Variants in ABI3BP observed in about 807,000 individuals in gnomAD.
ABI3BP encodes ABI family member 3 binding protein.
ABI3BP carries 216 observed loss-of-function variants against 268.6 expected under a neutral mutation model. The ratio of observed to expected loss-of-function variants is 0.80; its 90% CI spans 0.72 to 0.90. The LOEUF (loss-of-function observed/expected upper bound fraction) is 0.90. Ranked by LOEUF, ABI3BP falls within the 40% of genes least tolerant of loss-of-function variation. The pLI is 0.00. For synonymous variants in ABI3BP, 730 were observed against 730.0 expected (o/e 1.00, Z 0.00); for missense variants, 2,090 against 2,182.4 (o/e 0.96, Z 0.84).
At chr3:100,930,834 T>C (rs908146971) in intron 1 of ABI3BP, 1 of 152,020 alleles carries the variant, frequency 6.6e-6, no homozygotes, top group Non-Finnish European at 1.5e-5. Context: ...CCTCCATAAC[T>C]CATTCTATGA....
At chr3:100,988,133 G>C (rs1372543915) in intron 1 of ABI3BP, among the ~76,000 whole-genome samples, 1 of 152,126 alleles carries the variant, frequency 6.6e-6, no homozygotes, top group Non-Finnish European at 1.5e-5. Context: ...ACTTAAGATG[G>C]ACGAGATCCT....
chr3:100,778,519 C>G, intron 58 of ABI3BP, 143 bp from the exon 59 acceptor site: 1 of 694,118 alleles, frequency 1.4e-6, no homozygotes, highest in Non-Finnish European at 2.4e-6. Context: ...CAGAAAAGTG[C>G]ACACAAATAT....
At position 100,864,114 on chromosome 3, in the gene ABI3BP, T is replaced by G. The variant is rs1246112399; in HGVS notation, c.1064-38A>C. The G allele has an allele frequency of 3.5e-6, 5 of 1,415,858 alleles. No individual in the cohort carries two copies. The East Asian group carries it at 9.9e-5, about 28-fold the overall frequency. 87.7% of individuals were successfully genotyped at this position (1,415,858 alleles called of 1,614,324 possible). ...AGAGTGCAGTTAGCAACTCCTGGACTTGGGTTTTGATGTTGTGGCTTAACC... is the reference window on the plus strand; with the variant it reads ...AGAGTGCAGTTAGCAACTCCTGGACGTGGGTTTTGATGTTGTGGCTTAACC... On this transcript the variant is annotated intron_variant, in intron 11 of 67. Coordinates refer to ENST00000471714, the MANE Select transcript of ABI3BP (RefSeq NM_001375547.2).
chr3:100,820,535 A>G (rs2152643931), intron 39 of ABI3BP, among the ~76,000 whole-genome samples: 1 of 152,350 alleles, frequency 6.6e-6, no homozygotes, highest in East Asian at 1.9e-4. Flanking sequence ...AAGAATAGTC[A>G]ATAGGACTCA....
intron 1 of ABI3BP, among the ~76,000 whole-genome samples, chr3:100,981,622 C>T (rs1205167479): frequency 6.6e-6 from 1 of 152,158 alleles, no homozygotes; most frequent in East Asian, 1.9e-4. Flanking sequence ...TGACCAAAGA[C>T]CACAACTTGT....
chr3:100,822,419 T>A (rs1264512466), intron 38 of ABI3BP, among the ~76,000 whole-genome samples, 170 bp downstream of exon 38: 1 of 152,168 alleles, frequency 6.6e-6, no homozygotes, highest in African/African-American at 2.4e-5. Flanking sequence ...GCTCCACAGA[T>A]CTCCTAACAG....
rs1387612831 is a variant in ABI3BP, at chr3:100,959,205, G to C, written c.80-32724C>G. Reference sequence around the variant, plus strand: ...AACATTGAGCCTCCTAAAGAATAAGGCTGGGCCGGGCGCGGTGGCTCACGC... The same window carrying C: ...AACATTGAGCCTCCTAAAGAATAAGCCTGGGCCGGGCGCGGTGGCTCACGC... On this transcript the variant is annotated intron_variant, in intron 1 of 67. Coordinates refer to ENST00000471714, the MANE Select transcript of ABI3BP (RefSeq NM_001375547.2). Among the ~76,000 whole-genome samples, 8 of 152,096 alleles carry C rather than the reference G, an allele frequency of 5.3e-5. 1 individual carries two copies. The highest frequency in any genetic ancestry group is 1.2e-4 in the Non-Finnish European group (8 of 68,014).
chr3:100,828,463 A>G lies in ABI3BP; in HGVS notation c.2543-11T>C. On this transcript the variant is annotated splice_polypyrimidine_tract_variant and intron_variant, in intron 33 of 67. Transcript: ENST00000471714. Reference sequence around the variant, plus strand: ...AGATTGTAGCAGGAACTGGCCAAAAATAATAAAAATAAAACACCAACAAAA... The same window carrying G: ...AGATTGTAGCAGGAACTGGCCAAAAGTAATAAAAATAAAACACCAACAAAA... 1 of 1,529,856 alleles carries G rather than the reference A, an allele frequency of 6.5e-7. No homozygotes were observed. The highest frequency in any genetic ancestry group is 1.2e-5 in the South Asian group (1 of 83,380). 94.8% of individuals were successfully genotyped at this position (1,529,856 alleles called of 1,614,324 possible).
chr3:100,858,795 G>A (rs1181040776), intron 14 of ABI3BP, among the ~76,000 whole-genome samples: 2 of 152,086 alleles, frequency 1.3e-5, no homozygotes, highest in Non-Finnish European at 2.9e-5. Flanking sequence ...GATGGATCAA[G>A]ACAAAAACAA....
rs1386266279 is a variant in ABI3BP at position 100,794,923 on chromosome 3, C to T, written c.3946G>A (p.Glu1316Lys). 2 of 1,560,554 alleles carry T rather than the reference C, an allele frequency of 1.3e-6. No homozygotes were observed. Among genetic ancestry groups the T allele is most frequent in the East Asian group, 2.4e-5 (1 of 42,142 alleles). The change falls in exon 54 of 68, where the codon GAA becomes AAA. Residue 1316 changes from glutamate (E) to lysine (K), a missense_variant and splice_region_variant. Glu to Lys is a moderately conservative substitution (Grantham distance 56). Coordinates refer to ENST00000471714, the MANE Select transcript of ABI3BP (RefSeq NM_001375547.2). Reference protein sequence around the residue: ...PSQEELQTTLEETDQSTQEPF... With the variant: ...PSQEELQTTLKETDQSTQEPF... ...GAACAAATATTAAAACGAAATTTAC[C>T]CAGAGTGGTCTGTAGTTCCTCTTGA...
intron 1 of ABI3BP, among the ~76,000 whole-genome samples, chr3:100,969,804 GA>G (rs565283993): frequency 1.3e-4 from 20 of 152,156 alleles, no homozygotes; most frequent in Non-Finnish European, 2.6e-4. Context: ...CCAAGAGCCA[GA>G]GGAAATCCCC....
At position 100,926,332 on chromosome 3, in the gene ABI3BP, C is replaced by A. The variant is rs367976666; in HGVS notation, c.229G>T (p.Ala77Ser). 6.2e-7 allele frequency: 1 copy of A among 1,613,332 alleles called. No individual in the cohort carries two copies. Among genetic ancestry groups the A allele is most frequent in the South Asian group, 1.1e-5 (1 of 91,036 alleles). ...ATAGCTTCTGTGAATTTCCCTTCAGCGGGAAGAGGGAAGTACTGGTTTGGT... is the reference window on the plus strand; with the variant it reads ...ATAGCTTCTGTGAATTTCCCTTCAGAGGGAAGAGGGAAGTACTGGTTTGGT... ...VSPNQYFPLP[A>S]EGKFTEAIVD... The change falls in exon 2 of 68, where the codon GCT (alanine) becomes TCT (serine). Residue 77 changes from alanine to serine, a missense_variant. Ala to Ser is a moderately conservative substitution (Grantham distance 99). Coordinates refer to ENST00000471714, the MANE Select transcript of ABI3BP (RefSeq NM_001375547.2).
rs377269712 is a variant in ABI3BP, at chr3:100,794,913, C to T, written c.3946+10G>A. 5.6e-5 allele frequency: 87 copies of T among 1,552,114 alleles called. No homozygotes were observed. Among genetic ancestry groups the T allele is most frequent in the African/African-American group, 3.6e-4 (26 of 73,170 alleles). Reference sequence around the variant, plus strand: ...AGCTCTCTTTGAACAAATATTAAAACGAAATTTACCCAGAGTGGTCTGTAG... The same window carrying T: ...AGCTCTCTTTGAACAAATATTAAAATGAAATTTACCCAGAGTGGTCTGTAG... On this transcript the variant is annotated intron_variant, in intron 54 of 67. Coordinates refer to ENST00000471714, the MANE Select transcript of ABI3BP (RefSeq NM_001375547.2).
chr3:100,806,609 C>T (rs748287563), intron 50 of ABI3BP, among the ~76,000 whole-genome samples: 2 of 151,990 alleles, frequency 1.3e-5, no homozygotes, highest in Non-Finnish European at 2.9e-5. Flanking sequence ...CAAATTGTTC[C>T]CTTACATTAA....
At chr3:100,856,601 T>C (rs1235609070) in intron 14 of ABI3BP, among the ~76,000 whole-genome samples, 1 of 152,222 alleles carries the variant, frequency 6.6e-6, no homozygotes, top group East Asian at 1.9e-4. Context: ...GAGGATTTCC[T>C]AAGGATGAAA....
chr3:100,832,973 A>G (rs1245364163), intron 30 of ABI3BP, among the ~76,000 whole-genome samples, 152 bp downstream of exon 30: 1 of 152,194 alleles, frequency 6.6e-6, no homozygotes, highest in Non-Finnish European at 1.5e-5. Flanking sequence ...AAGTCATTGC[A>G]TATTTCTTTA....
intron 1 of ABI3BP, among the ~76,000 whole-genome samples, chr3:100,959,890 T>C (rs1436578534): frequency 4.6e-5 from 7 of 152,220 alleles, no homozygotes; most frequent in South Asian, 2.1e-4. Context: ...TGTTCAGGCA[T>C]AAAAACTACT....
chr3:100,817,988 A>G (rs2098108928), intron 41 of ABI3BP, among the ~76,000 whole-genome samples: 1 of 152,218 alleles, frequency 6.6e-6, no homozygotes. Flanking sequence ...GTAAAAGTTA[A>G]GAAACTGTTA....
At position 100,951,303 on chromosome 3, in the gene ABI3BP, G is replaced by C. The variant is rs531318648; in HGVS notation, c.80-24822C>G. Among the ~76,000 whole-genome samples, 25 of 151,900 alleles carry C rather than the reference G, an allele frequency of 1.6e-4. 1 individual carries two copies. In the East Asian group the frequency reaches 4.6e-3, roughly 28 times the overall value. ...TCTTGATTTTACTCTGTGACACAGTGGTATCCTAATTCTCATTTTCCATGA... is the reference window on the plus strand; with the variant it reads ...TCTTGATTTTACTCTGTGACACAGTCGTATCCTAATTCTCATTTTCCATGA... On this transcript the variant is annotated intron_variant, in intron 1 of 67. Transcript: ENST00000471714.
Sources: gnomAD v4.1 joint callset for allele counts (sites outside exome capture counted in the v4.1 genomes callset) on GRCh38, gnomAD v4.1.1 for gene constraint, MANE v1.5 for transcripts, NCBI Gene and HGNC (gene_info 2026-07-23, HGNC 2026-07-21) for gene names.